ASCC3: variants seen among roughly 807,000 people sequenced by gnomAD.
The protein encoded by ASCC3 is activating signal cointegrator 1 complex subunit 3.
A neutral mutation model predicts 256.3 loss-of-function variants in ASCC3; 158 were observed. The ratio of observed to expected loss-of-function variants is 0.62; its 90% CI spans 0.54 to 0.70. ASCC3 has a LOEUF of 0.70. ASCC3 is among the 30% of genes least tolerant of loss of function. ASCC3 has a pLI of 0.00. For synonymous variants in ASCC3, 948 were observed against 883.4 expected (o/e 1.07, Z -1.30); for missense variants, 2,259 against 2,626.0 (o/e 0.86, Z 3.05).
chr6:100,549,928 T>C (rs768742414), intron 36 of ASCC3, among the ~76,000 whole-genome samples: 7 of 151,840 alleles, frequency 4.6e-5, no homozygotes, highest in Admixed American at 6.6e-5. Flanking sequence ...AGAGATTCCC[T>C]GCATTCCAGG....
At chr6:100,794,195 G>A (rs762887062) in intron 8 of ASCC3, among the ~76,000 whole-genome samples, 1 of 151,982 alleles carries the variant, frequency 6.6e-6, no homozygotes, top group Non-Finnish European at 1.5e-5. Context: ...GAAAACACCT[G>A]ATCATTTACT....
At chr6:100,651,466 C>T (rs1775663792) in intron 19 of ASCC3, 94 bp downstream of exon 19, 2 of 529,146 alleles carry the variant, frequency 3.8e-6, no homozygotes, top group Non-Finnish European at 3.2e-6. Context: ...ATGTGATGTG[C>T]CATACAGCTT....
chr6:100,640,440 T>C (rs536481644), intron 24 of ASCC3, among the ~76,000 whole-genome samples: 1 of 152,226 alleles, frequency 6.6e-6, no homozygotes, highest in African/African-American at 2.4e-5. Context: ...TTTTTAAAAT[T>C]GTAGTCAGAA....
chr6:100,857,991 A>G (rs1562349119), intron 3 of ASCC3: 1 of 156,732 alleles, frequency 6.4e-6, no homozygotes, highest in Non-Finnish European at 1.4e-5. Context: ...TGAGTCTTCC[A>G]ATTCTTGGTA....
intron 14 of ASCC3, among the ~76,000 whole-genome samples, chr6:100,676,456 T>C (rs1777011402): frequency 6.6e-6 from 1 of 152,202 alleles, no homozygotes; most frequent in African/African-American, 2.4e-5. Flanking sequence ...TGGGCATCAT[T>C]TGTACATCCT....
chr6:100,801,609 A>T (rs1359458384), intron 5 of ASCC3, among the ~76,000 whole-genome samples: 1 of 152,074 alleles, frequency 6.6e-6, no homozygotes, highest in Non-Finnish European at 1.5e-5. Flanking sequence ...ATAAGGCCTA[A>T]AAAGGAAAAT....
chr6:100,510,229 T>A (rs1239983755), intron 40 of ASCC3, 122 bp from the exon 41 acceptor site: 18 of 1,032,496 alleles, frequency 1.7e-5, no homozygotes, highest in Non-Finnish European at 2.2e-5. Context: ...AGCATATCTA[T>A]CTGAGATGTT....
chr6:100,823,542 TGGTAGAAATTTTTAAA>T (rs1486127599), intron 4 of ASCC3, among the ~76,000 whole-genome samples: 1 of 152,218 alleles, frequency 6.6e-6, no homozygotes, highest in Non-Finnish European at 1.5e-5. Flanking sequence ...ATGCTTTTCC[TGGTAGAAATTTTTAAA>T]GTCATTATTA....
chr6:100,697,211 A>G (rs927055695), intron 13 of ASCC3, among the ~76,000 whole-genome samples: 3 of 152,070 alleles, frequency 2.0e-5, no homozygotes, highest in Non-Finnish European at 4.4e-5. Flanking sequence ...GTGAAACAAA[A>G]CAAGATAAAA....
Position 100,509,884 on chromosome 6 carries a change from C to T in ASCC3, c.6461+48G>A, listed in dbSNP as rs752947639. On this transcript the variant is annotated intron_variant, in intron 41 of 41. Transcript: ENST00000369162. ...GCCTGGGCGACAGAGCGAGACTCCG[C>T]CTCAAAAAAAAAAAAAAAGAGAACT... The T allele has an allele frequency of 2.2e-5, 33 of 1,502,746 alleles. No homozygotes were observed. In the Middle Eastern group the frequency reaches 7.8e-4, roughly 35 times the overall value. The allele number at this position is 1,502,746 out of a possible 1,614,324, so 93.1% of individuals were successfully genotyped here. A position where few individuals can be genotyped will look rare whatever the true frequency, so the allele number is the denominator to read the frequency against.
chr6:100,541,348 A>G (rs1169525193), intron 36 of ASCC3, among the ~76,000 whole-genome samples: 1 of 152,134 alleles, frequency 6.6e-6, no homozygotes, highest in Non-Finnish European at 1.5e-5. Context: ...GATGCTGAAC[A>G]TAAAACTATG....
intron 36 of ASCC3, among the ~76,000 whole-genome samples, chr6:100,552,135 AAATAAT>A (rs565256559): frequency 1.2e-3 from 188 of 151,706 alleles, no homozygotes; most frequent in African/African-American, 4.4e-3. Context: ...TAAATGTTAG[AAATAAT>A]AATAATAAAA....
chr6:100,579,309 G>A (rs1167519695), intron 36 of ASCC3, among the ~76,000 whole-genome samples: 1 of 151,750 alleles, frequency 6.6e-6, no homozygotes, highest in Non-Finnish European at 1.5e-5. Context: ...TTACTCTACT[G>A]ATAGTTTGTT....
chr6:100,868,135 T>A (rs915278277), intron 1 of ASCC3, 97 bp from the exon 2 acceptor site: 8 of 704,900 alleles, frequency 1.1e-5, no homozygotes, highest in African/African-American at 9.0e-5. Flanking sequence ...AAGGAAAAAA[T>A]TGGTTAAAAA....
rs1002762125 is a variant in ASCC3, at chr6:100,832,761, C to A, written c.801+15387G>T. ...ATAAAAGGGAATATAAAAATATTATCAATCCCACAGACAATATAAAAGGGT... is the reference window on the plus strand; with the variant it reads ...ATAAAAGGGAATATAAAAATATTATAAATCCCACAGACAATATAAAAGGGT... On this transcript the variant is annotated intron_variant, in intron 4 of 41. Transcript: ENST00000369162. 2.6e-5 allele frequency among the ~76,000 whole-genome samples: 4 copies of A among 151,886 alleles called. No homozygotes were observed. The East Asian group carries it at 7.7e-4, about 29-fold the overall frequency.
chr6:100,843,160 G>C (rs888434307), intron 4 of ASCC3, among the ~76,000 whole-genome samples: 1 of 152,112 alleles, frequency 6.6e-6, no homozygotes, highest in African/African-American at 2.4e-5. Context: ...CAAAAAACGA[G>C]AATCACTGTA....
intron 3 of ASCC3, among the ~76,000 whole-genome samples, chr6:100,850,097 T>TAAAAAAAA (rs1772587387): frequency 4.2e-5 from 1 of 23,818 alleles, no homozygotes. Flanking sequence ...TGAGACTCTA[T>TAAAAAAAA]CAAAAAAAAA....
chr6:100,640,536 G>A (rs1051151047), intron 24 of ASCC3, among the ~76,000 whole-genome samples: 9 of 152,130 alleles, frequency 5.9e-5, no homozygotes, highest in Admixed American at 3.9e-4. Context: ...GAATGTTAAC[G>A]CAAGTTAAGA....
At chr6:100,632,182 T>TAAAA (rs35229827) in intron 25 of ASCC3, among the ~76,000 whole-genome samples, 35 of 101,982 alleles carry the variant, frequency 3.4e-4, no homozygotes, top group South Asian at 6.7e-4. Flanking sequence ...GCAAACTATC[T>TAAAA]AAAAAAAAAA....
Sources: gnomAD v4.1 joint callset for allele counts (sites outside exome capture counted in the v4.1 genomes callset) on GRCh38, gnomAD v4.1.1 for gene constraint, MANE v1.5 for transcripts, NCBI Gene and HGNC (gene_info 2026-07-23, HGNC 2026-07-21) for gene names.